The following TMEM272 variants were observed in gnomAD, a reference collection of about 807,000 sequenced individuals.
TMEM272 encodes transmembrane protein 272.
Under a neutral mutation model 3.7 loss-of-function variants are expected in TMEM272, and 8 were observed. The observed-to-expected ratio is 2.17, with a 90% CI of 1.27 to 3.91. The LOEUF (loss-of-function observed/expected upper bound fraction) is 3.91, where lower values mean the gene tolerates loss of function less well. TMEM272 is among the 30% of genes most tolerant of loss of function. TMEM272 has a pLI of 0.00. For missense variants in TMEM272, 166 were observed against 91.5 expected (o/e 1.81, Z -3.32); for synonymous variants, 63 against 39.8 (o/e 1.58, Z -2.20).
chr13:51,867,495 G>A, the TMEM272 span, among the ~76,000 whole-genome samples: 2 of 152,126 alleles, frequency 1.3e-5, no homozygotes, highest in African/African-American at 4.8e-5. Flanking sequence ...CTAGGGAGAG[G>A]AGAGGACAGG....
Position 51,814,928 on chromosome 13 carries a change from A to C in TMEM272, c.*1823T>G, listed in dbSNP as rs531524675. On this transcript the variant is annotated 3_prime_UTR_variant, in exon 5 of 5. Coordinates refer to ENST00000629372, the MANE Select transcript of TMEM272 (RefSeq NM_001351003.2). ...CCTTTGCCAAGGCCCTCGCAACAGA[A>C]GCCTCAGAGGCTTTCATGTGGGAGT... The C allele has an allele frequency of 6.5e-6, 1 of 152,844 alleles. No individual in the cohort carries two copies. Among genetic ancestry groups the C allele is most frequent in the South Asian group, 2.1e-4 (1 of 4,826 alleles). 9.5% of individuals were successfully genotyped at this position (152,844 alleles called of 1,614,324 possible).
the TMEM272 span, among the ~76,000 whole-genome samples, chr13:51,883,365 G>A: frequency 1.3e-5 from 2 of 152,314 alleles, no homozygotes; most frequent in Admixed American, 1.3e-4. Context: ...AACGAATGAG[G>A]TACGTGAGCA....
At chr13:51,927,214 A>AAAAT in the TMEM272 span, among the ~76,000 whole-genome samples, 3 of 152,308 alleles carry the variant, frequency 2.0e-5, no homozygotes, top group South Asian at 2.1e-4. Context: ...ATATTCCTCC[A>AAAAT]AAATAAATAA....
At chr13:51,842,431 G>A (rs7326878) in intron 1 of TMEM272, among the ~76,000 whole-genome samples, 60,552 of 152,106 alleles carry the variant, frequency 0.4, 13,184 homozygotes, top group Admixed American at 0.49. Flanking sequence ...AAGCAGAAAA[G>A]GAGTAAGTCC....
chr13:51,894,414 C>G, the TMEM272 span, among the ~76,000 whole-genome samples: 1 of 152,142 alleles, frequency 6.6e-6, no homozygotes, highest in Non-Finnish European at 1.5e-5. Context: ...ATAGAAGAGC[C>G]CTACATGTGG....
At chr13:51,889,059 CTGTT>C in the TMEM272 span, among the ~76,000 whole-genome samples, 2 of 152,168 alleles carry the variant, frequency 1.3e-5, no homozygotes, top group Non-Finnish European at 2.9e-5. Flanking sequence ...CCAGGTGTAA[CTGTT>C]TGCCACAATA....
chr13:51,909,508 T>C, the TMEM272 span: 1 of 997,138 alleles, frequency 1.0e-6, no homozygotes, highest in Non-Finnish European at 1.6e-6. Context: ...ATTCTCACTT[T>C]CAAAATGTGT....
chr13:51,901,191 C>G, the TMEM272 span, among the ~76,000 whole-genome samples: 6 of 152,058 alleles, frequency 3.9e-5, no homozygotes, highest in Non-Finnish European at 5.9e-5. Flanking sequence ...AATGTCCACA[C>G]AACCTCATCT....
chr13:51,891,421 T>C, the TMEM272 span, among the ~76,000 whole-genome samples: 18 of 152,258 alleles, frequency 1.2e-4, no homozygotes, highest in Admixed American at 1.1e-3. Flanking sequence ...TAGCAATTTT[T>C]ATGACAAGCC....
the TMEM272 span, among the ~76,000 whole-genome samples, chr13:51,927,235 G>T: frequency 1.3e-5 from 2 of 151,948 alleles, no homozygotes; most frequent in Non-Finnish European, 2.9e-5. Context: ...ATAAATAGAC[G>T]ATCCCCTCAC....
chr13:51,905,367 G>A, the TMEM272 span, among the ~76,000 whole-genome samples: 5 of 152,168 alleles, frequency 3.3e-5, no homozygotes, highest in Non-Finnish European at 7.4e-5. Context: ...CACTCACCTC[G>A]GCTAGAGCTG....
At chr13:51,885,936 C>T in the TMEM272 span, among the ~76,000 whole-genome samples, 2 of 152,184 alleles carry the variant, frequency 1.3e-5, no homozygotes, top group Non-Finnish European at 2.9e-5. Flanking sequence ...GGGCCATATA[C>T]AAAGCTTGCC....
the TMEM272 span, among the ~76,000 whole-genome samples, chr13:51,850,625 T>C: frequency 6.6e-6 from 1 of 152,242 alleles, no homozygotes; most frequent in East Asian, 1.9e-4. Context: ...GCTTCTGTGA[T>C]ATTGTTGCTA....
chr13:51,853,130 G>A, the TMEM272 span, among the ~76,000 whole-genome samples: 1 of 152,198 alleles, frequency 6.6e-6, no homozygotes, highest in Non-Finnish European at 1.5e-5. Context: ...TCCCAGGCCA[G>A]GCGTGGTGGC....
At chr13:51,876,143 T>C in the TMEM272 span, among the ~76,000 whole-genome samples, 1 of 152,224 alleles carries the variant, frequency 6.6e-6, no homozygotes, top group Non-Finnish European at 1.5e-5. Flanking sequence ...GGAACAAATG[T>C]CACTGGAGGG....
chr13:51,826,758 A>AAGGTCGC, intron 2 of TMEM272, 133 bp from the exon 3 acceptor site: 1 of 649,716 alleles, frequency 1.5e-6, no homozygotes, highest in South Asian at 1.7e-5. Flanking sequence ...ACAGGAGGAG[A>AAGGTCGC]AGGTCGCAGC....
At chr13:51,913,507 C>T in the TMEM272 span, among the ~76,000 whole-genome samples, 4 of 152,202 alleles carry the variant, frequency 2.6e-5, no homozygotes, top group Admixed American at 6.5e-5. Context: ...GATGAGCAGG[C>T]CCCTCAGTCC....
At chr13:51,851,279 A>G in the TMEM272 span, among the ~76,000 whole-genome samples, 1 of 151,926 alleles carries the variant, frequency 6.6e-6, no homozygotes, top group Admixed American at 6.6e-5. Flanking sequence ...AGGTGCAGTG[A>G]GCCATGATCA....
intron 4 of TMEM272, 42 bp downstream of exon 4, chr13:51,822,013 A>G: frequency 1.4e-6 from 1 of 702,480 alleles, no homozygotes; most frequent in Non-Finnish European, 2.6e-6. Context: ...CCTGTGAGTT[A>G]ATTTCTACAA....
Sources: allele counts gnomAD v4.1 joint callset (sites outside exome capture counted in the v4.1 genomes callset), GRCh38; gene constraint gnomAD v4.1.1; transcripts MANE v1.5; gene names NCBI Gene and HGNC (gene_info 2026-07-23, HGNC 2026-07-21).